GRIK5: variants seen among roughly 807,000 people sequenced by gnomAD.
The protein encoded by GRIK5 is glutamate ionotropic receptor kainate type subunit 5, also known as glutamate receptor ionotropic, kainate 5.
In GRIK5, 43 loss-of-function variants were observed where a neutral mutation model predicts 97.4. The observed-to-expected ratio is 0.44, with a 90% confidence interval of 0.35 to 0.57. GRIK5 has a LOEUF of 0.57. Among genes scored for constraint, GRIK5 ranks in the 20% least tolerant of loss-of-function variants. The probability of loss-of-function intolerance (pLI) is 0.01; values close to 1 mark genes in which losing one functional copy is unlikely to be tolerated. For synonymous variants in GRIK5, 580 were observed against 583.5 expected, an observed-to-expected ratio of 0.99 and a Z score of 0.09; for missense variants, 1,015 against 1,382.0, an observed-to-expected ratio of 0.73 and a Z score of 4.21.
chr19:42,015,546 G>A (rs994766267), intron 15 of GRIK5, among the ~76,000 whole-genome samples: 8 of 152,200 alleles, frequency 5.3e-5, no homozygotes, highest in South Asian at 2.1e-4. Context: ...GCCTTGCTGC[G>A]TGACCTTGGA....
At chr19:42,033,354 G>A (rs934381464) in intron 12 of GRIK5, among the ~76,000 whole-genome samples, 2 of 150,876 alleles carry the variant, frequency 1.3e-5, no homozygotes, top group Non-Finnish European at 2.9e-5. Context: ...ATGCAGTACT[G>A]GTATATGCCA....
chr19:42,001,504 C>G (rs1555870898), intron 19 of GRIK5, among the ~76,000 whole-genome samples: 1 of 152,214 alleles, frequency 6.6e-6, no homozygotes, highest in African/African-American at 2.4e-5. Flanking sequence ...GCTTGGATTA[C>G]AGGCGTGAGC....
chr19:42,029,644 C>T (rs2075817350), intron 12 of GRIK5, among the ~76,000 whole-genome samples: 1 of 152,132 alleles, frequency 6.6e-6, no homozygotes, highest in Admixed American at 6.5e-5. Context: ...CTCAAGGCTC[C>T]ATACAGCATT....
At position 42,002,109 on chromosome 19, in the gene GRIK5, G is replaced by C. The variant is rs2075428823; in HGVS notation, c.2514+1223C>G. On this transcript the variant is annotated intron_variant, in intron 19 of 19. Transcript: ENST00000593562. This position sits in a 1 kb window ranked among gnomAD's most constrained non-coding sequence, Gnocchi z 5.2. ...CTCATATACATGAGGCCTGAGACCG[G>C]GAATTTCAGACATGGAAGTTGCTGG... The C allele has an allele frequency of 1.4e-6, 1 of 716,084 alleles. No individual in the cohort carries two copies. Among genetic ancestry groups the C allele is most frequent in the Admixed American group, 2.0e-5 (1 of 49,908 alleles). The allele number at this position is 716,084 out of a possible 1,614,324, so 44.4% of individuals were successfully genotyped here. A position where few individuals can be genotyped will look rare whatever the true frequency, so the allele number is the denominator to read the frequency against.
chr19:42,044,855 T>C (rs989000190), intron 11 of GRIK5, among the ~76,000 whole-genome samples: 22 of 152,136 alleles, frequency 1.4e-4, no homozygotes, highest in Non-Finnish European at 2.9e-4. Context: ...GAGGCTGAGG[T>C]AGAGTCCCAG....
Position 42,065,329 on chromosome 19 carries a change from C to T in GRIK5, c.138G>A (p.Leu46=). The T allele has an allele frequency of 6.2e-7, 1 of 1,610,402 alleles. No homozygotes were observed. Among genetic ancestry groups the T allele is most frequent in the Non-Finnish European group, 8.5e-7 (1 of 1,178,586 alleles). Reference sequence around the variant, plus strand: ...TGATCCCGTTGATCTGCTCCCGGGCCAAGGCCAAGGCCAGACGCTCACCGC... The same window carrying T: ...TGATCCCGTTGATCTGCTCCCGGGCTAAGGCCAAGGCCAGACGCTCACCGC... ...CGRGERLALA[L]AREQINGIIE... The change falls in exon 3 of 20, where the codon TTG becomes TTA. Residue 46 remains leucine, a synonymous_variant. Coordinates refer to ENST00000593562, the MANE Select transcript of GRIK5 (RefSeq NM_002088.5). This position sits in a 1 kb window ranked among gnomAD's most constrained non-coding sequence, Gnocchi z 5.8.
In GRIK5 at chr19:42,045,013, A is replaced by G. The variant is rs1427401281; in HGVS notation, c.1270-2258T>C. Among the ~76,000 whole-genome samples, 9 of 152,334 alleles carry G rather than the reference A, an allele frequency of 5.9e-5. No individual in the cohort carries two copies. In the East Asian group the frequency reaches 1.5e-3, roughly 26 times the overall value. ...TGCTGTGCATTCTCTCGATGACATT[A>G]TTTTAATTCCTTATGGTGACCTTAC... is the stretch of plus-strand genomic sequence containing the variant. On this transcript the variant is annotated intron_variant, in intron 11 of 19. Transcript: ENST00000593562.
chr19:42,022,242 A>C lies in GRIK5; in HGVS notation c.1586T>G (p.Met529Arg), dbSNP rs1293901903. The C allele has an allele frequency of 6.2e-7, 1 of 1,602,216 alleles. No individual in the cohort carries two copies. The highest frequency in any genetic ancestry group is 8.6e-7 in the Non-Finnish European group (1 of 1,169,214). ...CCATGGTCTCCAGGGGAACCATACC[A>C]TGTGCACTCGGTAGAGGATGCTGAT... ...LGISILYRVH[M>R]GRKPGYFSFL... Residue 529 changes from methionine (M) to arginine (R), a missense_variant and splice_region_variant, in exon 13 of 20, where the codon ATG (methionine) becomes AGG (arginine). This residue lies in a region of GRIK5 where 477 missense variants were observed against 701.1 expected (regional missense o/e 0.68). Coordinates refer to ENST00000593562, the MANE Select transcript of GRIK5 (RefSeq NM_002088.5). This position sits in a 1 kb window ranked among gnomAD's most constrained non-coding sequence, Gnocchi z 4.2.
At chr19:42,045,684 A>G (rs1304957246) in intron 11 of GRIK5, among the ~76,000 whole-genome samples, 2 of 152,204 alleles carry the variant, frequency 1.3e-5, no homozygotes, top group Non-Finnish European at 2.9e-5. Flanking sequence ...GCCTTTCCAG[A>G]ACCAAAATTG....
At position 42,065,897 on chromosome 19, in the gene GRIK5, G is replaced by T; in HGVS notation, c.-50-77C>A. 1.4e-6 allele frequency: 1 copy of T among 733,144 alleles called. No homozygotes were observed. The allele number at this position is 733,144 out of a possible 1,614,324, so 45.4% of individuals were successfully genotyped here. On this transcript the variant is annotated intron_variant, in intron 1 of 19. Transcript: ENST00000593562. This position sits in a 1 kb window ranked among gnomAD's most constrained non-coding sequence, Gnocchi z 5.8. ...ACCCCTTGGAGGCCTGCTGGATGGG[G>T]TGGTCACAGAAGCCTTGGGGACATT...
At chr19:42,025,432 C>T (rs1473054319) in intron 12 of GRIK5, among the ~76,000 whole-genome samples, 1 of 152,050 alleles carries the variant, frequency 6.6e-6, no homozygotes, top group African/African-American at 2.4e-5. Context: ...TCCCTGGATC[C>T]CAGGGAGTTC....
chr19:42,060,496 T>C (rs975997638), intron 5 of GRIK5, among the ~76,000 whole-genome samples: 2 of 151,144 alleles, frequency 1.3e-5, no homozygotes, highest in African/African-American at 4.9e-5. Context: ...GGGGGCCTCA[T>C]TGAGACACTA....
rs749368126 is a variant in GRIK5, at chr19:42,021,273, G to A, written c.1871+28C>T. On this transcript the variant is annotated intron_variant, in intron 15 of 19. Transcript: ENST00000593562. The surrounding 1 kb of genome is among the most constrained non-coding windows in gnomAD (Gnocchi z 4.2). ...CTCAGATGGGTCCCTCCCTCGCCCC[G>A]GGCAGAGGCAGATAGAAAGCTTCTC... 1.7e-5 allele frequency: 27 copies of A among 1,596,450 alleles called. No individual in the cohort carries two copies. Among genetic ancestry groups the A allele is most frequent in the South Asian group, 1.0e-4 (9 of 89,242 alleles).
chr19:42,043,056 A>G (rs2075998928), intron 11 of GRIK5, among the ~76,000 whole-genome samples: 1 of 152,174 alleles, frequency 6.6e-6, no homozygotes, highest in Non-Finnish European at 1.5e-5. Flanking sequence ...AGGTAACTTT[A>G]GAGTCAGACT....
chr19:42,044,426 A>T (rs969721793), intron 11 of GRIK5, among the ~76,000 whole-genome samples: 1 of 152,204 alleles, frequency 6.6e-6, no homozygotes, highest in African/African-American at 2.4e-5. Context: ...ATTGACGCTT[A>T]TTTCTGAGGG....
At chr19:42,063,029 C>T (rs778095512) in intron 3 of GRIK5, among the ~76,000 whole-genome samples, 174 bp from the exon 4 acceptor site, 7 of 152,314 alleles carry the variant, frequency 4.6e-5, no homozygotes, top group Non-Finnish European at 8.8e-5. Context: ...AACAAGTGAA[C>T]ATGAGGGGGC....
At chr19:42,009,976 C>T (rs782334222) in intron 15 of GRIK5, among the ~76,000 whole-genome samples, 17 of 147,060 alleles carry the variant, frequency 1.2e-4, no homozygotes, top group Non-Finnish European at 2.2e-4. Flanking sequence ...TGAGACAGGA[C>T]AACTGCTTGA....
intron 19 of GRIK5, chr19:42,001,960 G>A (rs2075427137): frequency 1.7e-6 from 1 of 605,326 alleles, no homozygotes. Context: ...ACAACAAACA[G>A]AGCCTGGGGA....
Position 42,065,127 on chromosome 19 carries a change from A to T in GRIK5, c.244+96T>A. 1 of 1,054,980 alleles carries T rather than the reference A, an allele frequency of 9.5e-7. No individual in the cohort carries two copies. The highest frequency in any genetic ancestry group is 1.4e-6 in the Non-Finnish European group (1 of 724,084). 65.4% of individuals were successfully genotyped at this position (1,054,980 alleles called of 1,614,324 possible). On this transcript the variant is annotated intron_variant, in intron 3 of 19. Coordinates refer to ENST00000593562, the MANE Select transcript of GRIK5 (RefSeq NM_002088.5). The surrounding 1 kb of genome is among the most constrained non-coding windows in gnomAD (Gnocchi z 5.8). ...AAAGAAGGGGGAGGATGGAGCTAGA[A>T]GAGGACAAGGCCAGGCCAGAGGCCA... is the stretch of plus-strand genomic sequence containing the variant.
Sources: allele counts gnomAD v4.1 joint callset (sites outside exome capture counted in the v4.1 genomes callset), GRCh38; gene constraint gnomAD v4.1.1; regional missense constraint gnomAD v4.1.1; non-coding constraint Gnocchi (gnomAD v3.1); transcripts MANE v1.5; gene names NCBI Gene and HGNC (gene_info 2026-07-23, HGNC 2026-07-21).